The following MYO9A variants were observed in gnomAD, a reference collection of about 807,000 sequenced individuals.
The protein encoded by MYO9A is unconventional myosin-IXa.
Under a neutral mutation model 293.3 loss-of-function variants are expected in MYO9A, and 103 were observed. The ratio of observed to expected loss-of-function variants is 0.35; its 90% CI spans 0.30 to 0.41. MYO9A has a LOEUF of 0.41. Among genes scored for constraint, MYO9A ranks in the 10% least tolerant of loss-of-function variants. The pLI is 1.00. For synonymous variants in MYO9A, 1,001 were observed against 1,035.7 expected (o/e 0.97, Z 0.64); for missense variants, 2,685 against 3,033.0 (o/e 0.89, Z 2.69).
At chr15:71,840,915 G>A (rs1364483809) in intron 39 of MYO9A, among the ~76,000 whole-genome samples, 5 of 152,238 alleles carry the variant, frequency 3.3e-5, no homozygotes, top group African/African-American at 1.2e-4. Flanking sequence ...ACAGGCGTGA[G>A]CCGCCGTGCC....
At chr15:71,868,171 T>C (rs1018747136) in intron 32 of MYO9A, among the ~76,000 whole-genome samples, 1 of 152,200 alleles carries the variant, frequency 6.6e-6, no homozygotes, top group African/African-American at 2.4e-5. Flanking sequence ...CTCATTCAGG[T>C]TGTTGGCAGA....
At chr15:72,047,603 A>G (rs2078424825) in intron 1 of MYO9A, among the ~76,000 whole-genome samples, 1 of 151,848 alleles carries the variant, frequency 6.6e-6, no homozygotes, top group South Asian at 2.1e-4. Context: ...TATGCCCCAC[A>G]CACTTTCCAG....
intron 15 of MYO9A, among the ~76,000 whole-genome samples, chr15:71,949,516 T>C (rs1481860): frequency 0.71 from 107,074 of 151,430 alleles, 38,413 homozygotes; most frequent in Non-Finnish European, 0.76. Context: ...GGGACTCCAA[T>C]TAAGGCAGAA....
intron 18 of MYO9A, 97 bp from the exon 19 acceptor site, chr15:71,916,589 T>C (rs2144771149): frequency 1.7e-6 from 2 of 1,173,968 alleles, no homozygotes; most frequent in Non-Finnish European, 2.4e-6. Context: ...TATATGACCA[T>C]TTCCCATCTT....
At position 71,898,612 on chromosome 15, in the gene MYO9A, A is replaced by G. The variant is rs1413390770; in HGVS notation, c.3891T>C (p.Gly1297=). The G allele has an allele frequency of 6.8e-6, 11 of 1,613,982 alleles. No individual in the cohort carries two copies. Among genetic ancestry groups the G allele is most frequent in the African/African-American group, 1.3e-5 (1 of 74,892 alleles). ...ATCTGCGATCCTCTGAAGGAGAAAT[A>G]CCACCAAGAGAACGAACTTTCAGCA... ...LELLKVRSLG[G]ISPSEDRRWS... Residue 1297 remains glycine (G), a synonymous_variant, in exon 25 of 42, where the codon GGT becomes GGC. Coordinates refer to ENST00000356056, the MANE Select transcript of MYO9A (RefSeq NM_006901.4).
rs1263229770 is a variant in MYO9A, at chr15:71,967,970, A to G, written c.1986+14T>C. ...CTCTGCCCTGTAAGCATATTCAGTG[A>G]GAAATTTACTGACCTTTACCCCATA... On this transcript the variant is annotated intron_variant, in intron 13 of 41. Coordinates refer to ENST00000356056, the MANE Select transcript of MYO9A (RefSeq NM_006901.4). The G allele has an allele frequency of 3.1e-6, 5 of 1,598,192 alleles. No homozygotes were observed. The highest frequency in any genetic ancestry group is 1.7e-5 in the Admixed American group (1 of 58,292).
chr15:71,844,796 T>C (rs1380684956), intron 39 of MYO9A, among the ~76,000 whole-genome samples: 3 of 152,154 alleles, frequency 2.0e-5, no homozygotes, highest in South Asian at 2.1e-4. Context: ...AAGAGACTCA[T>C]GGTGATAATG....
rs1198575329 is a variant in MYO9A, at chr15:71,825,266, G to GCTCTCATCCCCCTGTC, written c.*1298_*1313dup. On this transcript the variant is annotated 3_prime_UTR_variant, in exon 42 of 42. Coordinates refer to ENST00000356056, the MANE Select transcript of MYO9A (RefSeq NM_006901.4). The stretch of plus-strand genomic sequence containing the variant: ...AATTCCCTCAACCCAGGGACGAATG[G>GCTCTCATCCCCCTGTC]CTCTCATCCCCCTGTCCAGTGGCCC... 6.6e-6 allele frequency: 1 copy of GCTCTCATCCCCCTGTC among 152,154 alleles called. No individual in the cohort carries two copies. Among genetic ancestry groups the GCTCTCATCCCCCTGTC allele is most frequent in the Non-Finnish European group, 1.5e-5 (1 of 68,014 alleles). The allele number at this position is 152,154 out of a possible 1,614,324, so 9.4% of individuals were successfully genotyped here.
At chr15:71,874,788 T>C (rs943632876) in intron 32 of MYO9A, among the ~76,000 whole-genome samples, 3 of 152,156 alleles carry the variant, frequency 2.0e-5, no homozygotes, top group South Asian at 4.1e-4. Context: ...CATGCAACAC[T>C]TAAGCCAATC....
At chr15:72,027,683 G>A (rs371556657) in intron 4 of MYO9A, 48 bp downstream of exon 4, 70 of 1,413,178 alleles carry the variant, frequency 5.0e-5, no homozygotes, top group East Asian at 6.9e-5. Flanking sequence ...GTCAGTCTGC[G>A]TGATACAAAT....
At chr15:71,985,842 C>G (rs1022321513) in intron 11 of MYO9A, among the ~76,000 whole-genome samples, 6 of 152,120 alleles carry the variant, frequency 3.9e-5, no homozygotes, top group Admixed American at 1.3e-4. Flanking sequence ...CTGACAACAA[C>G]AAGTAAAATG....
At chr15:71,950,027 T>A (rs147074263) in intron 15 of MYO9A, among the ~76,000 whole-genome samples, 236 of 152,264 alleles carry the variant, frequency 1.5e-3, no homozygotes, top group African/African-American at 4.8e-3. Context: ...ATTTTAAAAA[T>A]TTTTTTCCAG....
At chr15:71,878,267 A>G in intron 30 of MYO9A, 36 bp from the exon 31 acceptor site, 2 of 1,402,386 alleles carry the variant, frequency 1.4e-6, no homozygotes, top group Non-Finnish European at 1.9e-6. Context: ...ATGGTTTTAT[A>G]AAGAAACTCC....
At chr15:72,020,768 A>G in intron 5 of MYO9A, 150 bp downstream of exon 5, 3 of 412,564 alleles carry the variant, frequency 7.3e-6, no homozygotes. Context: ...CTCAAATTTG[A>G]GAACTGCATC....
chr15:71,848,981 GAA>G lies in MYO9A; in HGVS notation c.6714-15_6714-14del, dbSNP rs1055203096. On this transcript the variant is annotated splice_polypyrimidine_tract_variant and intron_variant, in intron 38 of 41. Transcript: ENST00000356056. ...CAGTTCCACACAACTGAAACAGAAG[GAA>G]AGAGAAAAAAACTGTTAAGAGGTGA... The G allele has an allele frequency of 1.3e-6, 2 of 1,571,548 alleles. No homozygotes were observed. The highest frequency in any genetic ancestry group is 8.6e-7 in the Non-Finnish European group (1 of 1,165,664).
At chr15:71,879,391 A>ATATCC (rs1376556090) in intron 30 of MYO9A, among the ~76,000 whole-genome samples, 1 of 152,198 alleles carries the variant, frequency 6.6e-6, no homozygotes, top group Non-Finnish European at 1.5e-5. Flanking sequence ...TAGCCTAGCA[A>ATATCC]TAGAGCTAAA....
intron 12 of MYO9A, among the ~76,000 whole-genome samples, chr15:71,977,738 G>C (rs1335656318): frequency 3.9e-5 from 6 of 152,010 alleles, no homozygotes; most frequent in Non-Finnish European, 7.4e-5. Context: ...GAAACACACA[G>C]ATATAAAAAA....
chr15:72,004,891 T>C (rs2076974638), intron 8 of MYO9A, among the ~76,000 whole-genome samples: 1 of 152,228 alleles, frequency 6.6e-6, no homozygotes, highest in Non-Finnish European at 1.5e-5. Flanking sequence ...CTATTCTATA[T>C]TTAGCATTGG....
In MYO9A at chr15:71,948,821, T is replaced by C. The variant is rs188434982; in HGVS notation, c.2302+2956A>G. On this transcript the variant is annotated intron_variant, in intron 15 of 41. Transcript: ENST00000356056. ...ACTTTTGCTACATGATAACAGGACA[T>C]TGTGGATAACACATCATAGCAACAG... Among the ~76,000 whole-genome samples the C allele has an allele frequency of 4.6e-5, 7 of 152,282 alleles. No individual in the cohort carries two copies. The East Asian group carries it at 7.7e-4, about 17-fold the overall frequency.
Sources: gnomAD v4.1 joint callset for allele counts (sites outside exome capture counted in the v4.1 genomes callset) on GRCh38, gnomAD v4.1.1 for gene constraint, MANE v1.5 for transcripts, NCBI Gene and HGNC (gene_info 2026-07-23, HGNC 2026-07-21) for gene names.